SLC9A9: variants seen among roughly 807,000 people sequenced by gnomAD.
The protein encoded by SLC9A9 is solute carrier family 9 member A9.
Under a neutral mutation model 77.8 loss-of-function variants are expected in SLC9A9, and 62 were observed. The observed-to-expected ratio is 0.80, with a 90% CI of 0.65 to 0.98. SLC9A9 has a LOEUF of 0.98. Among genes scored for constraint, SLC9A9 ranks in the 50% least tolerant of loss-of-function variants. SLC9A9 has a pLI of 0.00. For synonymous variants in SLC9A9, 320 were observed against 283.5 expected, an observed-to-expected ratio of 1.13 and a Z score of -1.29; for missense variants, 775 against 774.9, an observed-to-expected ratio of 1.00 and a Z score of 0.00.
intron 4 of SLC9A9, among the ~76,000 whole-genome samples, chr3:143,709,409 T>C (rs975157296): frequency 3.3e-5 from 5 of 151,954 alleles, no homozygotes; most frequent in African/African-American, 1.2e-4. Context: ...GATCAGGAGG[T>C]CTGGGGTGGG....
intron 4 of SLC9A9, among the ~76,000 whole-genome samples, chr3:143,775,436 G>C (rs1363139005): frequency 6.6e-6 from 1 of 152,178 alleles, no homozygotes; most frequent in Non-Finnish European, 1.5e-5. Flanking sequence ...TGGAGAAATT[G>C]TCATGTACTT....
At chr3:143,428,238 A>C (rs1218447643) in intron 12 of SLC9A9, among the ~76,000 whole-genome samples, 1 of 147,018 alleles carries the variant, frequency 6.8e-6, no homozygotes, top group Admixed American at 6.8e-5. Context: ...GCAAAAAAAA[A>C]TCTGATTAAA....
At chr3:143,679,200 A>C (rs1281581674) in intron 5 of SLC9A9, among the ~76,000 whole-genome samples, 2 of 152,232 alleles carry the variant, frequency 1.3e-5, no homozygotes, top group East Asian at 3.8e-4. Context: ...TGGAGTAATC[A>C]TTGCTTAGCT....
chr3:143,580,846 G>T (rs1046596249), intron 6 of SLC9A9, among the ~76,000 whole-genome samples: 2 of 152,162 alleles, frequency 1.3e-5, no homozygotes, highest in East Asian at 3.9e-4. Context: ...CATTGAATTT[G>T]CTGGCCCTAA....
chr3:143,723,697 G>T (rs906187808), intron 4 of SLC9A9, among the ~76,000 whole-genome samples: 7 of 152,120 alleles, frequency 4.6e-5, no homozygotes, highest in African/African-American at 7.2e-5. Flanking sequence ...ATAATACAAA[G>T]AACTTGAAGG....
At chr3:143,766,637 T>C (rs1463769853) in intron 4 of SLC9A9, among the ~76,000 whole-genome samples, 2 of 152,136 alleles carry the variant, frequency 1.3e-5, no homozygotes, top group Admixed American at 1.3e-4. Flanking sequence ...TGGCCTGATC[T>C]TGGGTCACTG....
chr3:143,547,642 CA>C (rs1429277435), intron 9 of SLC9A9, among the ~76,000 whole-genome samples: 3 of 152,212 alleles, frequency 2.0e-5, no homozygotes, highest in Non-Finnish European at 4.4e-5. Flanking sequence ...TCTCCTGCCC[CA>C]GGGGGCCTCT....
At chr3:143,325,132 C>G (rs994566909) in intron 14 of SLC9A9, among the ~76,000 whole-genome samples, 1 of 148,706 alleles carries the variant, frequency 6.7e-6, no homozygotes, top group African/African-American at 2.5e-5. Context: ...GTAGTGAGAA[C>G]AGTTCTGAGA....
At chr3:143,417,856 G>A (rs959454567) in intron 12 of SLC9A9, among the ~76,000 whole-genome samples, 52 of 151,984 alleles carry the variant, frequency 3.4e-4, no homozygotes, top group Admixed American at 6.5e-5. Context: ...CTATGGAAGA[G>A]CATCCTTCAA....
rs147396033 is a variant in SLC9A9, at chr3:143,501,752, T to C, written c.1090-6304A>G. On this transcript the variant is annotated intron_variant, in intron 9 of 15. Transcript: ENST00000316549. ...TGTCTATTTATATCACGTAACAACA[T>C]TTCTTTGAATGAACAGTCTTCATAA... Among the ~76,000 whole-genome samples the C allele has an allele frequency of 9.8e-3, 1,487 of 151,030 alleles. 28 individuals are homozygous for C. The highest frequency in any genetic ancestry group is 0.039 in the South Asian group (190 of 4,828).
intron 6 of SLC9A9, among the ~76,000 whole-genome samples, chr3:143,609,759 T>C (rs2037989342): frequency 6.6e-6 from 1 of 152,230 alleles, no homozygotes. Context: ...ATTTATATAT[T>C]AGATATCTTT....
chr3:143,680,518 T>C (rs1933052588), intron 5 of SLC9A9, among the ~76,000 whole-genome samples: 1 of 152,164 alleles, frequency 6.6e-6, no homozygotes, highest in African/African-American at 2.4e-5. Context: ...TCCCTTAAAA[T>C]ATTATACCTT....
rs527586861 is a variant in SLC9A9, at chr3:143,742,428, G to A, written c.534-49121C>T. ...TGTCTTGATGAATTGGCTCTGTCTAGGCAGTAGGCAAGGTGAACCTCTTGG... is the reference window on the plus strand; with the variant it reads ...TGTCTTGATGAATTGGCTCTGTCTAAGCAGTAGGCAAGGTGAACCTCTTGG... On this transcript the variant is annotated intron_variant, in intron 4 of 15. Coordinates refer to ENST00000316549, the MANE Select transcript of SLC9A9 (RefSeq NM_173653.4). Among the ~76,000 whole-genome samples, 26 of 152,284 alleles carry A rather than the reference G, an allele frequency of 1.7e-4. No homozygotes were observed. In the South Asian group the frequency reaches 3.9e-3, roughly 23 times the overall value.
At chr3:143,606,530 A>G (rs907523063) in intron 6 of SLC9A9, among the ~76,000 whole-genome samples, 1 of 149,026 alleles carries the variant, frequency 6.7e-6, no homozygotes, top group Non-Finnish European at 1.5e-5. Flanking sequence ...TAGTAGTGTA[A>G]AAAGATAGAA....
At chr3:143,538,778 G>A (rs768410587) in intron 9 of SLC9A9, among the ~76,000 whole-genome samples, 8 of 152,206 alleles carry the variant, frequency 5.3e-5, no homozygotes, top group Non-Finnish European at 1.2e-4. Flanking sequence ...AGGGTATGAA[G>A]CAATTGTCCT....
chr3:143,552,511 T>G, intron 8 of SLC9A9, 61 bp from the exon 9 acceptor site: 5 of 1,417,138 alleles, frequency 3.5e-6, no homozygotes, highest in East Asian at 2.3e-5. Flanking sequence ...AGTCAAAGGT[T>G]AGGGCTATTC....
intron 2 of SLC9A9, among the ~76,000 whole-genome samples, chr3:143,820,193 G>T (rs768038656): frequency 1.4e-4 from 22 of 152,294 alleles, no homozygotes; most frequent in Non-Finnish European, 1.0e-4. Flanking sequence ...CTTGTAAGTG[G>T]CATTTGATCC....
intron 6 of SLC9A9, among the ~76,000 whole-genome samples, chr3:143,609,868 T>C (rs1177966980): frequency 6.6e-6 from 1 of 152,058 alleles, no homozygotes; most frequent in Non-Finnish European, 1.5e-5. Flanking sequence ...CTGATGGACA[T>C]TTAGGTTGCT....
At chr3:143,669,844 T>A (rs2039131252) in intron 5 of SLC9A9, among the ~76,000 whole-genome samples, 1 of 152,208 alleles carries the variant, frequency 6.6e-6, no homozygotes, top group Admixed American at 6.5e-5. Context: ...TTTTGGAGAA[T>A]AATTAATTGG....
Sources: allele counts gnomAD v4.1 joint callset (sites outside exome capture counted in the v4.1 genomes callset), GRCh38; gene constraint gnomAD v4.1.1; transcripts MANE v1.5; gene names NCBI Gene and HGNC (gene_info 2026-07-23, HGNC 2026-07-21).